Variants in FHIT observed in about 807,000 individuals in gnomAD.
FHIT encodes bis(5'-adenosyl)-triphosphatase.
Under a neutral mutation model 17.9 loss-of-function variants are expected in FHIT, and 19 were observed. The ratio of observed to expected loss-of-function variants is 1.06; its 90% confidence interval spans 0.74 to 1.56. The LOEUF is 1.56. FHIT is among the 40% of genes most tolerant of loss of function. The pLI, the probability that FHIT is intolerant of heterozygous loss-of-function variation, is 0.00. For synonymous variants in FHIT, 81 were observed against 69.7 expected (o/e 1.16, Z -0.81); for missense variants, 248 against 189.2 (o/e 1.31, Z -1.82).
At chr3:60,032,658 A>G (rs1337504619) in intron 5 of FHIT, among the ~76,000 whole-genome samples, 4 of 152,188 alleles carry the variant, frequency 2.6e-5, no homozygotes, top group Non-Finnish European at 4.4e-5. Context: ...CAGGACATCC[A>G]GACATTATGC....
chr3:60,085,603 CTTG>C (rs1403721289), intron 5 of FHIT, among the ~76,000 whole-genome samples: 2 of 152,314 alleles, frequency 1.3e-5, no homozygotes, highest in South Asian at 2.1e-4. Context: ...TTGAATGCCA[CTTG>C]TTGTCATTTC....
At chr3:60,700,636 A>G (rs2041224735) in intron 4 of FHIT, among the ~76,000 whole-genome samples, 1 of 152,208 alleles carries the variant, frequency 6.6e-6, no homozygotes, top group African/African-American at 2.4e-5. Flanking sequence ...TTGCAGAGTC[A>G]AAGAGCAAGT....
intron 7 of FHIT, among the ~76,000 whole-genome samples, chr3:59,994,606 A>T (rs1699427557): frequency 6.6e-6 from 1 of 152,120 alleles, no homozygotes; most frequent in Non-Finnish European, 1.5e-5. Flanking sequence ...TGGGGACTGC[A>T]AACCAGCCAC....
intron 7 of FHIT, among the ~76,000 whole-genome samples, chr3:59,935,618 G>T (rs1706195765): frequency 6.6e-6 from 1 of 151,986 alleles, no homozygotes; most frequent in African/African-American, 2.4e-5. Context: ...TTTTCTAAAT[G>T]TTGAATGGAT....
At chr3:61,151,040 T>G (rs1278364109) in intron 2 of FHIT, among the ~76,000 whole-genome samples, 1 of 152,242 alleles carries the variant, frequency 6.6e-6, no homozygotes, top group Non-Finnish European at 1.5e-5. Context: ...TGAAAATTAC[T>G]GATTAAAATT....
At chr3:61,015,666 A>T (rs574207029) in intron 3 of FHIT, among the ~76,000 whole-genome samples, 1 of 152,286 alleles carries the variant, frequency 6.6e-6, no homozygotes, top group South Asian at 2.1e-4. Flanking sequence ...TATTAGAATA[A>T]GAAATAAGGT....
At chr3:60,123,977 T>A (rs1444743036) in intron 5 of FHIT, among the ~76,000 whole-genome samples, 15 of 23,526 alleles carry the variant, frequency 6.4e-4, no homozygotes, top group African/African-American at 2.5e-3. Flanking sequence ...AATATATATA[T>A]ATATATATAT....
At chr3:59,834,330 G>C (rs1575566034) in intron 8 of FHIT, among the ~76,000 whole-genome samples, 1 of 152,166 alleles carries the variant, frequency 6.6e-6, no homozygotes, top group East Asian at 1.9e-4. Context: ...GTGCCTGGCA[G>C]AGTATATTTG....
chr3:60,550,071 G>T lies in FHIT; in HGVS notation c.-17-13092C>A, dbSNP rs369028087. 6.6e-5 allele frequency among the ~76,000 whole-genome samples: 10 copies of T among 152,236 alleles called. No homozygotes were observed. In the East Asian group the frequency reaches 1.9e-3, roughly 29 times the overall value. ...CACTAGGGGCTCAATTGTTAACCAA[G>T]AATGTAAATGAGCTTATTAAAAGCT... On this transcript the variant is annotated intron_variant, in intron 4 of 9. Coordinates refer to ENST00000492590, the MANE Select transcript of FHIT (RefSeq NM_002012.4).
chr3:60,308,900 G>A (rs536333903), intron 5 of FHIT, among the ~76,000 whole-genome samples: 2 of 152,234 alleles, frequency 1.3e-5, no homozygotes, highest in South Asian at 4.2e-4. Flanking sequence ...GAATAGCTCT[G>A]AAATTATATA....
At chr3:59,772,340 C>G (rs972974935) in intron 8 of FHIT, among the ~76,000 whole-genome samples, 1 of 152,222 alleles carries the variant, frequency 6.6e-6, no homozygotes, top group Non-Finnish European at 1.5e-5. Flanking sequence ...GTTTGCCTCA[C>G]CTTTTCTGAA....
intron 8 of FHIT, among the ~76,000 whole-genome samples, chr3:59,860,411 C>A (rs1702356009): frequency 6.6e-6 from 1 of 152,144 alleles, no homozygotes; most frequent in Admixed American, 6.5e-5. Context: ...TGCAAACAAG[C>A]AAACAGTTGC....
chr3:61,207,741 C>A (rs1369659134), intron 1 of FHIT, among the ~76,000 whole-genome samples: 4 of 152,096 alleles, frequency 2.6e-5, no homozygotes, highest in Non-Finnish European at 4.4e-5. Context: ...AGAGGTCTAT[C>A]AATTTTGTTG....
At chr3:61,018,596 T>C (rs1196711354) in intron 3 of FHIT, among the ~76,000 whole-genome samples, 1 of 152,138 alleles carries the variant, frequency 6.6e-6, no homozygotes, top group Non-Finnish European at 1.5e-5. Flanking sequence ...ATCAACACAG[T>C]ATATCACCCC....
chr3:59,802,063 AGT>A (rs1700015884), intron 8 of FHIT, among the ~76,000 whole-genome samples: 2 of 152,224 alleles, frequency 1.3e-5, no homozygotes, highest in Non-Finnish European at 2.9e-5. Context: ...ACCTTGGTGT[AGT>A]ATATGCCACA....
intron 4 of FHIT, among the ~76,000 whole-genome samples, chr3:60,660,875 T>C (rs1024510345): frequency 6.6e-6 from 1 of 151,482 alleles, no homozygotes; most frequent in African/African-American, 2.4e-5. Flanking sequence ...TACTAGTTCT[T>C]TGTGTAATAT....
chr3:59,920,405 G>A (rs1370500607), intron 8 of FHIT, among the ~76,000 whole-genome samples: 1 of 152,202 alleles, frequency 6.6e-6, no homozygotes, highest in African/African-American at 2.4e-5. Flanking sequence ...CCTCCAAAAT[G>A]TGGGAAGTAG....
intron 3 of FHIT, among the ~76,000 whole-genome samples, chr3:60,830,143 C>G (rs982321719): frequency 5.3e-5 from 8 of 152,086 alleles, no homozygotes; most frequent in African/African-American, 1.9e-4. Flanking sequence ...TCAAAGCCAC[C>G]TCTTTGAGAT....
rs148066505 is a variant in FHIT at position 60,964,452 on chromosome 3, T to G, written c.-111+77595A>C. Among the ~76,000 whole-genome samples the G allele has an allele frequency of 2.0e-3, 303 of 152,322 alleles. 1 individual carries two copies. The highest frequency in any genetic ancestry group is 7.1e-3 in the African/African-American group (296 of 41,580). On this transcript the variant is annotated intron_variant, in intron 3 of 9. Coordinates refer to ENST00000492590, the MANE Select transcript of FHIT (RefSeq NM_002012.4). ...TTTACATTTAAGGTTAATATTATTATGTGTGAATTTGATCCTGTCATTTTG... is the reference window on the plus strand; with the variant it reads ...TTTACATTTAAGGTTAATATTATTAGGTGTGAATTTGATCCTGTCATTTTG...
Sources: allele counts gnomAD v4.1 joint callset (sites outside exome capture counted in the v4.1 genomes callset), GRCh38; gene constraint gnomAD v4.1.1; transcripts MANE v1.5; gene names NCBI Gene and HGNC (gene_info 2026-07-23, HGNC 2026-07-21).